Variants in CSMD1 observed in about 807,000 individuals in gnomAD.
CSMD1 encodes the protein CUB and Sushi multiple domains 1, also known as CUB and sushi domain-containing protein 1.
CSMD1 carries 213 observed loss-of-function variants against 417.5 expected under a neutral mutation model. The observed-to-expected ratio is 0.51, with a 90% CI of 0.46 to 0.57. CSMD1 has a LOEUF of 0.57. Among genes scored for constraint, CSMD1 ranks in the 20% least tolerant of loss-of-function variants. The pLI, the probability that CSMD1 is intolerant of heterozygous loss-of-function variation, is 0.00. For missense variants in CSMD1, 6,923 were observed against 4,529.7 expected (o/e 1.53, Z -15.17); for synonymous variants, 2,862 against 1,736.8 (o/e 1.65, Z -16.11).
chr8:4,024,386 T>C (rs1563331352), intron 4 of CSMD1, among the ~76,000 whole-genome samples: 2 of 152,230 alleles, frequency 1.3e-5, no homozygotes, highest in African/African-American at 2.4e-5. Flanking sequence ...GATACGCTGA[T>C]GGAAGTTTTA....
intron 1 of CSMD1, among the ~76,000 whole-genome samples, chr8:4,671,981 C>T (rs1805360022): frequency 6.6e-6 from 1 of 152,204 alleles, no homozygotes; most frequent in South Asian, 2.1e-4. Flanking sequence ...GTTTTGCTTT[C>T]TCAGAACATC....
chr8:4,593,288 CT>C (rs1208532231), intron 2 of CSMD1, among the ~76,000 whole-genome samples: 1 of 152,204 alleles, frequency 6.6e-6, no homozygotes, highest in East Asian at 1.9e-4. Context: ...CATTTGTTCC[CT>C]CTCCTCTTTA....
intron 5 of CSMD1, among the ~76,000 whole-genome samples, chr8:3,796,673 T>C (rs1196495341): frequency 1.3e-5 from 2 of 150,302 alleles, no homozygotes; most frequent in Non-Finnish European, 3.0e-5. Flanking sequence ...TATATCTATA[T>C]GTATACATTG....
chr8:3,288,327 G>T lies in CSMD1; in HGVS notation c.3951-3981C>A, dbSNP rs1295249995. ...ATGATGTTGGCCTCATAAAACGAGG[G>T]AGGATTCCTTCTTTTTCTATTGATT... On this transcript the variant is annotated intron_variant, in intron 25 of 69. Transcript: ENST00000635120. 1.1e-4 allele frequency among the ~76,000 whole-genome samples: 16 copies of T among 146,874 alleles called. 1 individual carries two copies. The highest frequency in any genetic ancestry group is 1.1e-3 in the Admixed American group (16 of 14,928).
intron 3 of CSMD1, among the ~76,000 whole-genome samples, chr8:4,032,469 A>C (rs1563341429): frequency 6.6e-6 from 1 of 152,228 alleles, no homozygotes; most frequent in Admixed American, 6.5e-5. Flanking sequence ...AGTAGACTAT[A>C]GAAATCTAAA....
At chr8:4,905,733 T>C (rs569643272) in intron 1 of CSMD1, among the ~76,000 whole-genome samples, 48 of 142,088 alleles carry the variant, frequency 3.4e-4, no homozygotes, top group African/African-American at 1.1e-3. Flanking sequence ...GGCAGGAGAA[T>C]GGCGTGAAAC....
intron 49 of CSMD1, among the ~76,000 whole-genome samples, chr8:3,062,654 C>A (rs1292539700): frequency 6.7e-6 from 1 of 149,668 alleles, no homozygotes; most frequent in African/African-American, 2.5e-5. Flanking sequence ...TTGAAAATAT[C>A]TAGCACTTCA....
At chr8:4,448,002 A>G (rs1426028972) in intron 2 of CSMD1, among the ~76,000 whole-genome samples, 1 of 152,220 alleles carries the variant, frequency 6.6e-6, no homozygotes, top group Non-Finnish European at 1.5e-5. Context: ...TGCCAGGGGC[A>G]GGTGGTAAAA....
At chr8:3,786,674 T>C (rs904565726) in intron 5 of CSMD1, among the ~76,000 whole-genome samples, 1 of 152,148 alleles carries the variant, frequency 6.6e-6, no homozygotes, top group Non-Finnish European at 1.5e-5. Context: ...ACTACAGACT[T>C]TGTGGCTTAA....
chr8:4,230,746 T>A (rs1022606966), intron 3 of CSMD1, among the ~76,000 whole-genome samples: 2 of 152,184 alleles, frequency 1.3e-5, no homozygotes, highest in African/African-American at 4.8e-5. Context: ...TACAAGCTAT[T>A]GAAATAAATT....
At position 4,413,062 on chromosome 8, in the gene CSMD1, C is replaced by T. The variant is rs954183209; in HGVS notation, c.415+6891G>A. 3.9e-5 allele frequency among the ~76,000 whole-genome samples: 6 copies of T among 152,264 alleles called. No individual in the cohort carries two copies. In the South Asian group the frequency reaches 8.3e-4, roughly 21 times the overall value. ...AGAAAAATAGACTTACAAAATTACG[C>T]ATATAATTTCACAGCTTCATGGAAA... On this transcript the variant is annotated intron_variant, in intron 3 of 69. Transcript: ENST00000635120.
At chr8:4,721,106 G>A (rs1286891336) in intron 1 of CSMD1, among the ~76,000 whole-genome samples, 1 of 152,130 alleles carries the variant, frequency 6.6e-6, no homozygotes, top group African/African-American at 2.4e-5. Flanking sequence ...TATGAAAAAG[G>A]CTTTGGAAAC....
At chr8:3,983,449 A>T (rs1480236665) in intron 5 of CSMD1, among the ~76,000 whole-genome samples, 1 of 152,080 alleles carries the variant, frequency 6.6e-6, no homozygotes, top group Non-Finnish European at 1.5e-5. Flanking sequence ...CACATCTAAA[A>T]TTACCTATAA....
chr8:4,426,148 A>G (rs1017334322), intron 2 of CSMD1, among the ~76,000 whole-genome samples: 14 of 151,988 alleles, frequency 9.2e-5, no homozygotes, highest in African/African-American at 3.4e-4. Flanking sequence ...TAATTTCCAG[A>G]CAGCATATAC....
At chr8:3,293,993 G>T (rs925501388) in intron 25 of CSMD1, among the ~76,000 whole-genome samples, 6 of 150,006 alleles carry the variant, frequency 4.0e-5, no homozygotes, top group African/African-American at 9.7e-5. Flanking sequence ...ATGACGTACA[G>T]ATGGGGTTTT....
At chr8:3,606,925 T>C (rs535794725) in intron 8 of CSMD1, among the ~76,000 whole-genome samples, 2 of 152,178 alleles carry the variant, frequency 1.3e-5, no homozygotes, top group South Asian at 4.2e-4. Flanking sequence ...TTGGCCAGGA[T>C]GGTCTCGATC....
chr8:3,321,600 C>G (rs1334065436), intron 23 of CSMD1, among the ~76,000 whole-genome samples: 2 of 152,308 alleles, frequency 1.3e-5, no homozygotes, highest in East Asian at 3.9e-4. Context: ...GCATTGTTTA[C>G]TGTATCCTCT....
At chr8:4,966,186 G>T (rs1192792794) in intron 1 of CSMD1, among the ~76,000 whole-genome samples, 1 of 133,022 alleles carries the variant, frequency 7.5e-6, no homozygotes, top group East Asian at 2.4e-4. Flanking sequence ...TAACATAGTG[G>T]AAGCCCGTCT....
At chr8:3,571,829 T>C (rs1799956510) in intron 10 of CSMD1, among the ~76,000 whole-genome samples, 1 of 152,102 alleles carries the variant, frequency 6.6e-6, no homozygotes, top group East Asian at 1.9e-4. Context: ...TCATCTGAAG[T>C]ACTGTATTAG....
Sources: gnomAD v4.1 joint callset for allele counts (sites outside exome capture counted in the v4.1 genomes callset) on GRCh38, gnomAD v4.1.1 for gene constraint, MANE v1.5 for transcripts, NCBI Gene and HGNC (gene_info 2026-07-23, HGNC 2026-07-21) for gene names.